Variants in MTHFD1L observed in about 807,000 individuals in gnomAD.
MTHFD1L encodes methylenetetrahydrofolate dehydrogenase (NADP+ dependent) 1 like, also known as monofunctional C1-tetrahydrofolate synthase, mitochondrial.
A neutral mutation model predicts 119.5 loss-of-function variants in MTHFD1L; 81 were observed. The observed-to-expected ratio is 0.68, with a 90% CI of 0.57 to 0.82. MTHFD1L has a LOEUF of 0.82. Ranked by LOEUF, MTHFD1L falls within the 40% of genes least tolerant of loss-of-function variation. The probability of loss-of-function intolerance (pLI) is 0.00; values close to 1 mark genes in which losing one functional copy is unlikely to be tolerated. For synonymous variants in MTHFD1L, 430 were observed against 475.2 expected, an observed-to-expected ratio of 0.90 and a Z score of 1.24; for missense variants, 1,125 against 1,253.4, an observed-to-expected ratio of 0.90 and a Z score of 1.55.
chr6:151,061,270 A>G (rs1292256860), intron 26 of MTHFD1L, among the ~76,000 whole-genome samples: 4 of 152,152 alleles, frequency 2.6e-5, no homozygotes, highest in African/African-American at 9.7e-5. Context: ...AAGCTTCCAG[A>G]GTACTCTCCC....
chr6:150,867,310 G>A (rs1778568073), intron 1 of MTHFD1L, among the ~76,000 whole-genome samples: 1 of 152,136 alleles, frequency 6.6e-6, no homozygotes. Context: ...TCCCGCCTTA[G>A]CCTCCAGTGT....
rs541655909 is a variant in MTHFD1L at position 150,982,963 on chromosome 6, G to T, written c.2125+10905G>T. Among the ~76,000 whole-genome samples the T allele has an allele frequency of 1.3e-4, 20 of 152,262 alleles. No individual in the cohort carries two copies. In the South Asian group the frequency reaches 3.5e-3, roughly 27 times the overall value. ...GATCCACCCACCTTGGCCTCCCAAA[G>T]TACTGGGATTACAGGCATGAGCCAC... On this transcript the variant is annotated intron_variant, in intron 20 of 27. Coordinates refer to ENST00000367321, the MANE Select transcript of MTHFD1L (RefSeq NM_015440.5).
chr6:150,937,157 G>A (rs961944302), intron 12 of MTHFD1L, among the ~76,000 whole-genome samples: 2 of 150,104 alleles, frequency 1.3e-5, no homozygotes, highest in African/African-American at 2.5e-5. Flanking sequence ...TGCCTCAGGA[G>A]CCTGTTCCTG....
intron 26 of MTHFD1L, among the ~76,000 whole-genome samples, chr6:151,081,859 G>A (rs1239686694): frequency 2.0e-5 from 3 of 152,144 alleles, no homozygotes; most frequent in Non-Finnish European, 1.5e-5. Context: ...CAAGCTGCTT[G>A]AAGAGAAAGA....
intron 14 of MTHFD1L, among the ~76,000 whole-genome samples, chr6:150,944,957 A>C (rs113311578): frequency 0.019 from 2,845 of 152,334 alleles, 32 homozygotes; most frequent in African/African-American, 0.034. Flanking sequence ...TTTTAAGACT[A>C]ATGTTATGTG....
At chr6:150,953,227 C>T (rs1438384729) in intron 16 of MTHFD1L, among the ~76,000 whole-genome samples, 1 of 152,230 alleles carries the variant, frequency 6.6e-6, no homozygotes, top group Non-Finnish European at 1.5e-5. Context: ...CTGCCAGGCT[C>T]TTGGCCAATA....
At chr6:151,070,059 T>C (rs912792212) in intron 26 of MTHFD1L, among the ~76,000 whole-genome samples, 2 of 152,182 alleles carry the variant, frequency 1.3e-5, no homozygotes, top group African/African-American at 4.8e-5. Context: ...CACACAGTTA[T>C]GCATGCCCTT....
At chr6:151,067,987 T>A (rs992810626) in intron 26 of MTHFD1L, among the ~76,000 whole-genome samples, 10 of 152,240 alleles carry the variant, frequency 6.6e-5, no homozygotes, top group African/African-American at 2.2e-4. Context: ...TTGTGATTTT[T>A]AGTGAGGCTC....
intron 8 of MTHFD1L, among the ~76,000 whole-genome samples, chr6:150,907,201 G>A (rs1307577674): frequency 6.6e-6 from 1 of 152,186 alleles, no homozygotes; most frequent in Non-Finnish European, 1.5e-5. Context: ...CATGGCTGGA[G>A]ATAGGAGTCT....
chr6:151,052,181 C>T (rs184483584), intron 26 of MTHFD1L, among the ~76,000 whole-genome samples: 75 of 152,322 alleles, frequency 4.9e-4, no homozygotes, highest in African/African-American at 1.8e-3. Context: ...CCGAGGCTGA[C>T]ATTTGACTTC....
At chr6:151,006,780 C>T (rs1562527432) in intron 20 of MTHFD1L, among the ~76,000 whole-genome samples, 3 of 152,100 alleles carry the variant, frequency 2.0e-5, no homozygotes, top group East Asian at 3.9e-4. Flanking sequence ...TCCGTATCAT[C>T]ATGGAGCTTG....
At position 151,036,989 on chromosome 6, in the gene MTHFD1L, A is replaced by C; in HGVS notation, c.2719A>C (p.Met907Leu). Residue 907 changes from methionine to leucine, a missense_variant, in exon 26 of 28, where the codon ATG (methionine) becomes CTG (leucine). Physicochemically the swap from Met to Leu is conservative, Grantham distance 15 (BLOSUM62 2). Around this residue, in one of 3 missense-constraint regions of MTHFD1L, gnomAD observed 6 missense variants for 23.3 expected, o/e 0.26. Coordinates refer to ENST00000367321, the MANE Select transcript of MTHFD1L (RefSeq NM_015440.5). Reference sequence around the variant, plus strand: ...GGGTTTTGGAAATTTGCCCATCTGCATGGCAAAGACCCACCTTTCTCTATC... The same window carrying C: ...GGGTTTTGGAAATTTGCCCATCTGCCTGGCAAAGACCCACCTTTCTCTATC... ...QQGFGNLPIC[M>L]AKTHLSLSHQ... 1 of 1,612,036 alleles carries C rather than the reference A, an allele frequency of 6.2e-7. No homozygotes were observed. Among genetic ancestry groups the C allele is most frequent in the Non-Finnish European group, 8.5e-7 (1 of 1,179,860 alleles).
intron 13 of MTHFD1L, among the ~76,000 whole-genome samples, chr6:150,942,227 C>G (rs553362005): frequency 1.2e-4 from 18 of 152,278 alleles, no homozygotes; most frequent in Middle Eastern, 3.4e-3. Context: ...CCACTGCACT[C>G]CAGCCCAGGC....
At chr6:151,072,723 A>G (rs1584399833) in intron 26 of MTHFD1L, among the ~76,000 whole-genome samples, 1 of 152,156 alleles carries the variant, frequency 6.6e-6, no homozygotes, top group East Asian at 1.9e-4. Context: ...CAGGGGACAG[A>G]GGTTGCAGTG....
intron 20 of MTHFD1L, among the ~76,000 whole-genome samples, chr6:150,997,598 G>A (rs1023460508): frequency 6.6e-6 from 1 of 152,010 alleles, no homozygotes; most frequent in Non-Finnish European, 1.5e-5. Context: ...AGACCAGCCT[G>A]GGCAACATGT....
At chr6:150,918,707 A>G (rs1228364668) in intron 9 of MTHFD1L, 39 bp downstream of exon 9, 10 of 1,529,956 alleles carry the variant, frequency 6.5e-6, no homozygotes, top group Non-Finnish European at 9.1e-6. Flanking sequence ...TTGAGTTTGG[A>G]AGTTTGATTA....
intron 1 of MTHFD1L, chr6:150,866,317 C>T: frequency 6.9e-7 from 1 of 1,459,712 alleles, no homozygotes; most frequent in Non-Finnish European, 9.0e-7. Flanking sequence ...GCGGCATGGA[C>T]CGCACGCCCG....
At position 150,955,518 on chromosome 6, in the gene MTHFD1L, T is replaced by A. The variant is rs55740712; in HGVS notation, c.1727-477T>A. Among the ~76,000 whole-genome samples, 855 of 117,450 alleles carry A rather than the reference T, an allele frequency of 7.3e-3. 11 individuals are homozygous for A. The highest frequency in any genetic ancestry group is 0.026 in the African/African-American group (813 of 30,844). 77.1% of individuals were successfully genotyped at this position (117,450 alleles called of 152,430 possible). A position where few individuals can be genotyped will look rare whatever the true frequency, so the allele number is the denominator to read the frequency against. The stretch of plus-strand genomic sequence containing the variant: ...GGGTTTTTTTTTTTTTTTTTTTTTT[T>A]AGAGGGGGTCTCACTCTGTCGCCCA... On this transcript the variant is annotated intron_variant, in intron 16 of 27. Coordinates refer to ENST00000367321, the MANE Select transcript of MTHFD1L (RefSeq NM_015440.5).
intron 20 of MTHFD1L, among the ~76,000 whole-genome samples, chr6:150,983,215 T>C (rs1399169988): frequency 6.6e-6 from 1 of 152,194 alleles, no homozygotes. Context: ...TCTTCTCCCC[T>C]GTATGGCTTA....
Sources: allele counts gnomAD v4.1 joint callset (sites outside exome capture counted in the v4.1 genomes callset), GRCh38; gene constraint gnomAD v4.1.1; regional missense constraint gnomAD v4.1.1; transcripts MANE v1.5; gene names NCBI Gene and HGNC (gene_info 2026-07-23, HGNC 2026-07-21).